Variants in NID2 observed in about 807,000 individuals in gnomAD.
The protein encoded by NID2 is nidogen 2.
A neutral mutation model predicts 145.4 loss-of-function variants in NID2; 83 were observed. The observed-to-expected ratio is 0.57, with a 90% CI of 0.48 to 0.69. The LOEUF (loss-of-function observed/expected upper bound fraction) is 0.69. Among genes scored for constraint, NID2 ranks in the 30% least tolerant of loss-of-function variants. The probability of loss-of-function intolerance (pLI) is 0.00; values close to 1 mark genes in which losing one functional copy is unlikely to be tolerated. For missense variants in NID2, 1,807 were observed against 1,765.7 expected, an observed-to-expected ratio of 1.02 and a Z score of -0.42; for synonymous variants, 739 against 701.3, an observed-to-expected ratio of 1.05 and a Z score of -0.85.
Position 52,053,600 on chromosome 14 carries a change from T to C in NID2, c.1408A>G (p.Asn470Asp), listed in dbSNP as rs1167313484. Residue 470 changes from asparagine to aspartate, a missense_variant, in exon 5 of 22, where the codon AAC becomes GAC. Physicochemically the swap from Asn to Asp is conservative, Grantham distance 23. Transcript: ENST00000216286. Reference protein sequence around the residue: ...RGTYEVGLEDNIGSNTEVFTY... With the variant: ...RGTYEVGLEDDIGSNTEVFTY... ...TCACCCTCGGTGTTGGAACCTATGT[T>C]GTCTTCCAGTCCCACCTCATACGTC... The C allele has an allele frequency of 1.2e-6, 2 of 1,613,880 alleles. No homozygotes were observed. The highest frequency in any genetic ancestry group is 3.3e-5 in the Admixed American group (2 of 60,010).
chr14:52,063,305 C>G (rs990552664), intron 2 of NID2, among the ~76,000 whole-genome samples: 4 of 152,216 alleles, frequency 2.6e-5, no homozygotes, highest in African/African-American at 9.6e-5. Flanking sequence ...CCCAGGATCC[C>G]AGAGAGGAGA....
chr14:52,011,563 C>T lies in NID2; in HGVS notation c.3541G>A (p.Val1181Met), dbSNP rs770369033. Reference protein sequence around the residue: ...LELGAEPETIVNSGLISPEGL... With the variant: ...LELGAEPETIMNSGLISPEGL... Reference sequence around the variant, plus strand: ...GAGTGAAGCTGCTGACCTGAATTCACGATCGTCTCAGGCTCTGCTCCCAGT... The same window carrying T: ...GAGTGAAGCTGCTGACCTGAATTCATGATCGTCTCAGGCTCTGCTCCCAGT... The change falls in exon 17 of 22, where the codon GTG becomes ATG. Residue 1181 changes from valine to methionine, a missense_variant. Coordinates refer to ENST00000216286, the MANE Select transcript of NID2 (RefSeq NM_007361.4). 1.1e-5 allele frequency: 18 copies of T among 1,614,002 alleles called. No homozygotes were observed. The highest frequency in any genetic ancestry group is 1.3e-5 in the African/African-American group (1 of 74,886).
rs753095975 is a variant in NID2, at chr14:52,060,384, G to A, written c.535-28C>T. On this transcript the variant is annotated intron_variant, in intron 2 of 21. Transcript: ENST00000216286. ...GTGAGGAAAAAAAAAAAAAAAGAGA[G>A]AGAGAGAGAGAGAAACATCCTGTAA... The A allele has an allele frequency of 2.8e-5, 30 of 1,080,428 alleles. No homozygotes were observed. The East Asian group carries it at 3.8e-4, about 14-fold the overall frequency. 66.9% of individuals were successfully genotyped at this position (1,080,428 alleles called of 1,614,324 possible).
intron 13 of NID2, 47 bp from the exon 14 acceptor site, chr14:52,019,341 A>C: frequency 6.9e-7 from 1 of 1,449,670 alleles, no homozygotes; most frequent in African/African-American, 1.4e-5. Flanking sequence ...AATAGAAGGC[A>C]TTGCAACCCA....
chr14:52,007,577 T>C, intron 19 of NID2: 1 of 494,154 alleles, frequency 2.0e-6, no homozygotes, highest in Non-Finnish European at 3.6e-6. Context: ...CAGGCACTCA[T>C]GGTCAGGCAA....
At chr14:52,037,525 C>G (rs989674879) in intron 9 of NID2, among the ~76,000 whole-genome samples, 15 of 152,196 alleles carry the variant, frequency 9.9e-5, no homozygotes, top group Non-Finnish European at 1.0e-4. Context: ...TTGATCTTTA[C>G]ATGTATCCTT....
At chr14:52,040,377 T>C (rs889003050) in intron 8 of NID2, among the ~76,000 whole-genome samples, 1 of 152,170 alleles carries the variant, frequency 6.6e-6, no homozygotes, top group African/African-American at 2.4e-5. Flanking sequence ...TATATAATTA[T>C]ACCATCCCTA....
chr14:52,043,969 T>C (rs542743889), intron 5 of NID2, among the ~76,000 whole-genome samples: 2 of 152,210 alleles, frequency 1.3e-5, no homozygotes, highest in South Asian at 4.2e-4. Context: ...GGCATGGAAT[T>C]CTAGTGTGAG....
At chr14:52,046,815 G>A (rs918023796) in intron 5 of NID2, among the ~76,000 whole-genome samples, 1 of 152,152 alleles carries the variant, frequency 6.6e-6, no homozygotes, top group Non-Finnish European at 1.5e-5. Flanking sequence ...GTATTTTTAG[G>A]ATGGTACTTA....
At chr14:52,025,159 G>A in intron 12 of NID2, among the ~76,000 whole-genome samples, 1 of 152,188 alleles carries the variant, frequency 6.6e-6, no homozygotes, top group South Asian at 2.1e-4. Context: ...AACAAACGAT[G>A]TGTTCCACAC....
At chr14:52,007,655 T>G in intron 19 of NID2, 155 bp downstream of exon 19, 1 of 712,034 alleles carries the variant, frequency 1.4e-6, no homozygotes, top group Non-Finnish European at 2.4e-6. Flanking sequence ...ATTTTAAGAC[T>G]CATTTACTAG....
At chr14:52,021,367 G>A (rs562690380) in intron 12 of NID2, among the ~76,000 whole-genome samples, 26 of 152,272 alleles carry the variant, frequency 1.7e-4, no homozygotes, top group African/African-American at 6.3e-4. Flanking sequence ...TGAATGGGTT[G>A]GGAACAGGGC....
chr14:52,029,596 G>GT lies in NID2; in HGVS notation c.2351dup (p.Tyr784Ter). 6.2e-7 allele frequency: 1 copy of GT among 1,613,970 alleles called. No homozygotes were observed. Among genetic ancestry groups the GT allele is most frequent in the African/African-American group, 1.3e-5 (1 of 75,030 alleles). Residue 784 changes from tyrosine to a stop codon, truncating the protein, a stop_gained and frameshift_variant, in exon 10 of 22, where the codon TAC becomes TAAC. Transcript: ENST00000216286. LOFTEE classifies it high-confidence loss of function. ...GGTACCCAGATGCGCACTCACAGGTGTAATCTACACCTGTCCCTGGATGGC... is the reference window on the plus strand; with the variant it reads ...GGTACCCAGATGCGCACTCACAGGTGTTAATCTACACCTGTCCCTGGATGGC... ...ARCHPGTGVD[Y>*]TCECASGYQG...
Position 52,020,053 on chromosome 14 carries a change from A to C in NID2, c.2794+6T>G. The C allele has an allele frequency of 6.2e-7, 1 of 1,613,724 alleles. No individual in the cohort carries two copies. The highest frequency in any genetic ancestry group is 8.5e-7 in the Non-Finnish European group (1 of 1,179,718). ...CATGTGCCTAATCTGGCCCTCTGAA[A>C]CTTACCAGGTATGCACTGAAATCCA... On this transcript the variant is annotated splice_donor_region_variant and intron_variant, in intron 13 of 21. Transcript: ENST00000216286.
intron 5 of NID2, among the ~76,000 whole-genome samples, chr14:52,051,223 G>A (rs1051533962): frequency 6.6e-6 from 1 of 152,140 alleles, no homozygotes; most frequent in East Asian, 1.9e-4. Context: ...TATTTTCTGG[G>A]CCTTTAACTA....
intron 7 of NID2, 92 bp downstream of exon 7, chr14:52,042,013 C>CT: frequency 1.4e-6 from 2 of 1,446,296 alleles, no homozygotes; most frequent in Non-Finnish European, 1.9e-6. Context: ...AGTGATTCCT[C>CT]TGTCACTGCG....
rs368958745 is a variant in NID2 at position 52,060,302 on chromosome 14, A to G, written c.589T>C (p.Phe197Leu). ...ASDGSDSYALFLYPANGLQFL... is the reference protein window; with the variant it reads ...ASDGSDSYALLLYPANGLQFL... Reference sequence around the variant, plus strand: ...TGCAGGCCGTTGGCAGGATAAAGAAAGAGGGCGTAGCTATCAGACCCATCA... The same window carrying G: ...TGCAGGCCGTTGGCAGGATAAAGAAGGAGGGCGTAGCTATCAGACCCATCA... Residue 197 changes from phenylalanine (F) to leucine (L), a missense_variant, in exon 3 of 22, where the codon TTT becomes CTT. Coordinates refer to ENST00000216286, the MANE Select transcript of NID2 (RefSeq NM_007361.4). 47 of 1,612,562 alleles carry G rather than the reference A, an allele frequency of 2.9e-5. No individual in the cohort carries two copies. Among genetic ancestry groups the G allele is most frequent in the Non-Finnish European group, 4.0e-5 (47 of 1,179,406 alleles).
intron 5 of NID2, among the ~76,000 whole-genome samples, chr14:52,048,347 A>C (rs1178675184): frequency 6.6e-6 from 1 of 152,224 alleles, no homozygotes; most frequent in African/African-American, 2.4e-5. Flanking sequence ...GCCCACGTGC[A>C]GCTATTTATC....
Position 52,006,531 on chromosome 14 carries a change from G to T in NID2, c.4004+6C>A, listed in dbSNP as rs1566737747. ...TTCAGGCTTGTCCAGAATTTGTGGG[G>T]CTCACCTCCTCCAGTCTGTGTGGTA... On this transcript the variant is annotated splice_donor_region_variant and intron_variant, in intron 20 of 21. Transcript: ENST00000216286. The T allele has an allele frequency of 1.2e-6, 2 of 1,613,354 alleles. No individual in the cohort carries two copies. The highest frequency in any genetic ancestry group is 1.7e-6 in the Non-Finnish European group (2 of 1,179,450).
Sources: gnomAD v4.1 joint callset for allele counts (sites outside exome capture counted in the v4.1 genomes callset) on GRCh38, gnomAD v4.1.1 for gene constraint, MANE v1.5 for transcripts, NCBI Gene and HGNC (gene_info 2026-07-23, HGNC 2026-07-21) for gene names.